SLC35F1: variants seen among roughly 807,000 people sequenced by gnomAD.
SLC35F1 encodes the protein chromosome 6 open reading frame 169.
SLC35F1 carries 14 observed loss-of-function variants against 48.7 expected under a neutral mutation model. That is an observed-to-expected ratio of 0.29 (90% CI 0.19 to 0.45). The LOEUF (loss-of-function observed/expected upper bound fraction) is 0.45. Among genes scored for constraint, SLC35F1 ranks in the 20% least tolerant of loss-of-function variants. The pLI, the probability that SLC35F1 is intolerant of heterozygous loss-of-function variation, is 1.00. For synonymous variants in SLC35F1, 190 were observed against 202.2 expected, an observed-to-expected ratio of 0.94 and a Z score of 0.51; for missense variants, 404 against 500.0, an observed-to-expected ratio of 0.81 and a Z score of 1.83.
At chr6:118,026,273 C>T (rs578128134) in intron 1 of SLC35F1, among the ~76,000 whole-genome samples, 19 of 152,132 alleles carry the variant, frequency 1.2e-4, no homozygotes, top group African/African-American at 4.1e-4. Flanking sequence ...ATGGCATGTG[C>T]GCAGAACACA....
intron 1 of SLC35F1, among the ~76,000 whole-genome samples, chr6:118,100,061 GTAT>G (rs1363137999): frequency 6.6e-6 from 1 of 152,084 alleles, no homozygotes; most frequent in African/African-American, 2.4e-5. Flanking sequence ...AATAAGGTTG[GTAT>G]TATTATTATA....
At chr6:117,947,673 G>A (rs1177467458) in intron 1 of SLC35F1, among the ~76,000 whole-genome samples, 4 of 152,190 alleles carry the variant, frequency 2.6e-5, no homozygotes, top group Non-Finnish European at 4.4e-5. Flanking sequence ...GAGACAAGAA[G>A]TGTTAAAGGT....
intron 2 of SLC35F1, among the ~76,000 whole-genome samples, chr6:118,200,182 A>G (rs78082667): frequency 1.3e-5 from 2 of 152,020 alleles, no homozygotes; most frequent in Non-Finnish European, 2.9e-5. Flanking sequence ...ATACATACAT[A>G]CATACATACA....
At chr6:118,176,036 G>C (rs530635132) in intron 2 of SLC35F1, among the ~76,000 whole-genome samples, 1 of 152,180 alleles carries the variant, frequency 6.6e-6, no homozygotes. Flanking sequence ...TTGGATTCCA[G>C]GGAAATGTAT....
intron 1 of SLC35F1, among the ~76,000 whole-genome samples, chr6:118,000,932 G>T (rs1216100151): frequency 6.6e-6 from 1 of 151,950 alleles, no homozygotes; most frequent in African/African-American, 2.4e-5. Context: ...ACAAACCACT[G>T]CTCAATGAAA....
intron 6 of SLC35F1, among the ~76,000 whole-genome samples, chr6:118,278,757 C>A (rs1019178075): frequency 2.0e-5 from 3 of 152,236 alleles, no homozygotes; most frequent in Admixed American, 2.0e-4. Context: ...TGACCCACAA[C>A]ACCAGAAAAC....
chr6:118,266,388 CT>C (rs1390655037), intron 3 of SLC35F1, among the ~76,000 whole-genome samples: 1 of 151,874 alleles, frequency 6.6e-6, no homozygotes, highest in Non-Finnish European at 1.5e-5. Context: ...TCTAATAGTT[CT>C]TTTAAGTATT....
chr6:118,146,482 A>G (rs1056300079), intron 1 of SLC35F1, among the ~76,000 whole-genome samples: 5 of 152,104 alleles, frequency 3.3e-5, no homozygotes, highest in African/African-American at 7.2e-5. Context: ...TGACATGCCA[A>G]CTTCTCAAAT....
chr6:118,159,027 T>C (rs1399296130), intron 2 of SLC35F1, among the ~76,000 whole-genome samples: 3 of 152,054 alleles, frequency 2.0e-5, no homozygotes, highest in Admixed American at 1.3e-4. Flanking sequence ...GAGATCATCC[T>C]GGCTAACATG....
At chr6:118,124,000 G>C (rs1435654121) in intron 1 of SLC35F1, among the ~76,000 whole-genome samples, 1 of 152,138 alleles carries the variant, frequency 6.6e-6, no homozygotes, top group Non-Finnish European at 1.5e-5. Flanking sequence ...ATCTTCAGCA[G>C]ACACCCAAAT....
At chr6:118,028,758 G>A (rs368865584) in intron 1 of SLC35F1, among the ~76,000 whole-genome samples, 1 of 152,040 alleles carries the variant, frequency 6.6e-6, no homozygotes. Flanking sequence ...AAAATAGTAC[G>A]TCCCAGGGAA....
At chr6:118,084,466 T>C (rs948978394) in intron 1 of SLC35F1, among the ~76,000 whole-genome samples, 7 of 152,154 alleles carry the variant, frequency 4.6e-5, no homozygotes, top group Non-Finnish European at 1.0e-4. Context: ...TTTTCTCATC[T>C]CCACTTATAT....
At position 118,000,633 on chromosome 6, in the gene SLC35F1, C is replaced by T. The variant is rs184212387; in HGVS notation, c.173+92734C>T. Among the ~76,000 whole-genome samples the T allele has an allele frequency of 2.9e-3, 435 of 152,192 alleles. 2 individuals are homozygous for T. The highest frequency in any genetic ancestry group is 0.01 in the African/African-American group (419 of 41,524). The stretch of plus-strand genomic sequence containing the variant: ...GTAGGAGAAGGAAATAAAGGGTATT[C>T]GATTAGGAAAAGAGGAAGTCAAATT... On this transcript the variant is annotated intron_variant, in intron 1 of 7. Coordinates refer to ENST00000360388, the MANE Select transcript of SLC35F1 (RefSeq NM_001029858.4).
intron 4 of SLC35F1, among the ~76,000 whole-genome samples, chr6:118,269,016 C>G (rs1775817483): frequency 1.3e-5 from 2 of 152,086 alleles, no homozygotes; most frequent in Admixed American, 6.5e-5. Context: ...TTCATGAACC[C>G]CAGCCATTCA....
chr6:118,237,902 T>C (rs1011617937), intron 3 of SLC35F1, among the ~76,000 whole-genome samples: 1 of 152,206 alleles, frequency 6.6e-6, no homozygotes, highest in Non-Finnish European at 1.5e-5. Context: ...TACATACTAA[T>C]ACACTGAAAA....
At chr6:118,264,675 T>G (rs1048918954) in intron 3 of SLC35F1, among the ~76,000 whole-genome samples, 4 of 152,248 alleles carry the variant, frequency 2.6e-5, no homozygotes, top group African/African-American at 9.6e-5. Context: ...CTCCACTGAC[T>G]GAGGGCTTCC....
At chr6:118,223,728 C>T (rs1401258455) in intron 2 of SLC35F1, among the ~76,000 whole-genome samples, 1 of 152,220 alleles carries the variant, frequency 6.6e-6, no homozygotes, top group African/African-American at 2.4e-5. Context: ...GGCCCGTTGA[C>T]ACTCCATCTT....
At chr6:118,303,921 C>T (rs888184566) in intron 7 of SLC35F1, among the ~76,000 whole-genome samples, 2 of 152,156 alleles carry the variant, frequency 1.3e-5, no homozygotes, top group African/African-American at 4.8e-5. Flanking sequence ...TTTGGAGAGA[C>T]ACAATGTAGT....
At chr6:118,061,033 T>C (rs1160049180) in intron 1 of SLC35F1, among the ~76,000 whole-genome samples, 4 of 152,234 alleles carry the variant, frequency 2.6e-5, no homozygotes, top group African/African-American at 9.6e-5. Flanking sequence ...TCCAAATGTA[T>C]CTTGGAATAT....
Sources: gnomAD v4.1 joint callset for allele counts (sites outside exome capture counted in the v4.1 genomes callset) on GRCh38, gnomAD v4.1.1 for gene constraint, MANE v1.5 for transcripts, NCBI Gene and HGNC (gene_info 2026-07-23, HGNC 2026-07-21) for gene names.